KCNIP1: variants seen among roughly 807,000 people sequenced by gnomAD.
KCNIP1 encodes potassium voltage-gated channel interacting protein 1.
In KCNIP1, 18 loss-of-function variants were observed where a neutral mutation model predicts 33.0. The observed-to-expected ratio is 0.55, with a 90% confidence interval of 0.38 to 0.81. The LOEUF (loss-of-function observed/expected upper bound fraction) is 0.81. Ranked by LOEUF, KCNIP1 falls within the 30% of genes least tolerant of loss-of-function variation. The probability of loss-of-function intolerance (pLI) is 0.00; values close to 1 mark genes in which losing one functional copy is unlikely to be tolerated. For synonymous variants in KCNIP1, 93 were observed against 98.3 expected, an observed-to-expected ratio of 0.95 and a Z score of 0.32; for missense variants, 238 against 271.6, an observed-to-expected ratio of 0.88 and a Z score of 0.87.
chr5:170,380,059 T>G (rs1764179018), intron 1 of KCNIP1, among the ~76,000 whole-genome samples: 1 of 152,138 alleles, frequency 6.6e-6, no homozygotes, highest in South Asian at 2.1e-4. Flanking sequence ...TATTTGACAC[T>G]GGGATCCAAA....
At chr5:170,462,264 C>CAAAAAAAAAA (rs760686464) in intron 1 of KCNIP1, among the ~76,000 whole-genome samples, 9 of 52,024 alleles carry the variant, frequency 1.7e-4, no homozygotes, top group East Asian at 8.1e-4. Flanking sequence ...AACAAATTAG[C>CAAAAAAAAAA]AAAAAAAAAA....
rs183487823 is a variant in KCNIP1, at chr5:170,470,061, T to C, written c.88+116097T>C. 4.9e-3 allele frequency among the ~76,000 whole-genome samples: 740 copies of C among 152,226 alleles called. 7 individuals are homozygous for C. Among genetic ancestry groups the C allele is most frequent in the African/African-American group, 0.016 (683 of 41,538 alleles). The stretch of plus-strand genomic sequence containing the variant: ...TGGAATTGATATCCCTGTGTGAAAA[T>C]GGAAGAGCCAATCTGAGCTGTCGCC... On this transcript the variant is annotated intron_variant, in intron 1 of 7. Coordinates refer to the KCNIP1 transcript ENST00000377360.
At chr5:170,488,026 G>T (rs1375708182) in intron 1 of KCNIP1, among the ~76,000 whole-genome samples, 1 of 152,082 alleles carries the variant, frequency 6.6e-6, no homozygotes, top group East Asian at 1.9e-4. Flanking sequence ...GAAGCACCCT[G>T]TCCCACCTCA....
At chr5:170,695,878 G>A (rs1762873018) in intron 1 of KCNIP1, among the ~76,000 whole-genome samples, 1 of 152,136 alleles carries the variant, frequency 6.6e-6, no homozygotes. Flanking sequence ...AATTAGCCAG[G>A]TGTGGTGGCA....
chr5:170,604,556 G>A (rs1283069779), intron 1 of KCNIP1, among the ~76,000 whole-genome samples: 2 of 152,148 alleles, frequency 1.3e-5, no homozygotes, highest in African/African-American at 4.8e-5. Context: ...TGTGAATGGC[G>A]AGGCTTTGTA....
chr5:170,457,357 G>A (rs576376017), intron 1 of KCNIP1, among the ~76,000 whole-genome samples: 9 of 152,360 alleles, frequency 5.9e-5, no homozygotes, highest in African/African-American at 2.2e-4. Flanking sequence ...GTACGGAGAG[G>A]CCCTGGAGGG....
At chr5:170,569,911 C>T (rs759060158) in intron 1 of KCNIP1, among the ~76,000 whole-genome samples, 3 of 152,080 alleles carry the variant, frequency 2.0e-5, no homozygotes, top group Non-Finnish European at 2.9e-5. Flanking sequence ...TAGCATGGAG[C>T]GAGCCTAAAA....
intron 1 of KCNIP1, among the ~76,000 whole-genome samples, chr5:170,508,746 G>C (rs983907550): frequency 6.6e-6 from 1 of 152,120 alleles, no homozygotes; most frequent in East Asian, 1.9e-4. Flanking sequence ...AAATTCCACC[G>C]ACATTCCAAG....
chr5:170,659,875 T>G (rs1280799590), intron 1 of KCNIP1, among the ~76,000 whole-genome samples: 4 of 152,214 alleles, frequency 2.6e-5, no homozygotes, highest in Non-Finnish European at 5.9e-5. Flanking sequence ...ATCGTTCATC[T>G]CCTGATAAGT....
chr5:170,540,851 G>A, intron 1 of KCNIP1, among the ~76,000 whole-genome samples: 1 of 152,156 alleles, frequency 6.6e-6, no homozygotes, highest in East Asian at 1.9e-4. Flanking sequence ...CACTTCCCCT[G>A]GTAGAGAAGG....
chr5:170,695,170 G>A (rs574439162), intron 1 of KCNIP1, among the ~76,000 whole-genome samples: 97 of 152,136 alleles, frequency 6.4e-4, no homozygotes, highest in Non-Finnish European at 3.1e-4. Context: ...CCCATCCCCC[G>A]GCCACCCAAC....
Position 170,378,960 on chromosome 5 carries a change from G to A in KCNIP1, c.88+24996G>A, listed in dbSNP as rs370206070. ...CGTCTGGTAATTGTCCACGCTGCCT[G>A]GGATGTAGGAGCACTGTGGGGAGAA... is the stretch of plus-strand genomic sequence containing the variant. On this transcript the variant is annotated intron_variant, in intron 1 of 7. Coordinates refer to the KCNIP1 transcript ENST00000377360. 95 of 1,613,922 alleles carry A rather than the reference G, an allele frequency of 5.9e-5. No homozygotes were observed. In the Admixed American group the frequency reaches 9.0e-4, roughly 15 times the overall value.
chr5:170,362,440 C>T (rs534536785), intron 1 of KCNIP1, among the ~76,000 whole-genome samples: 2 of 152,330 alleles, frequency 1.3e-5, no homozygotes, highest in East Asian at 1.9e-4. Context: ...TCAGGACCTC[C>T]ATTCTGACTG....
intron 1 of KCNIP1, chr5:170,486,464 A>G (rs1028335974): frequency 6.6e-6 from 1 of 152,242 alleles, no homozygotes; most frequent in Admixed American, 6.5e-5. Context: ...CTCACATGTG[A>G]CCAATCACAT....
chr5:170,733,877 A>G lies in KCNIP1; in HGVS notation c.582A>G (p.Glu194=), dbSNP rs1561790216. ...AAGATGGCATCGTAACTTTAGATGA[A>G]TTTCTTGAATCATGTCAGGAGGTAA... The part of the protein sequence containing the change: ...KNKDGIVTLD[E]FLESCQEDDN... The change falls in exon 7 of 8, where the codon GAA becomes GAG. Residue 194 remains glutamate (E), a synonymous_variant. Transcript: ENST00000328939. 3 of 1,613,798 alleles carry G rather than the reference A, an allele frequency of 1.9e-6. No homozygotes were observed. Among genetic ancestry groups the G allele is most frequent in the East Asian group, 4.5e-5 (2 of 44,880 alleles).
At chr5:170,620,794 A>C (rs1759572126) in intron 1 of KCNIP1, among the ~76,000 whole-genome samples, 1 of 152,196 alleles carries the variant, frequency 6.6e-6, no homozygotes, top group Admixed American at 6.5e-5. Flanking sequence ...TAGGAGATGC[A>C]AATTCATTTG....
At chr5:170,649,909 G>A (rs1004424803) in intron 1 of KCNIP1, among the ~76,000 whole-genome samples, 25 of 152,220 alleles carry the variant, frequency 1.6e-4, no homozygotes, top group Middle Eastern at 3.4e-3. Flanking sequence ...AGAGAGGCTC[G>A]GTTGTTCTTC....
chr5:170,735,749 T>G lies in KCNIP1; in HGVS notation c.604-10T>G, dbSNP rs1489062680. The G allele has an allele frequency of 2.5e-6, 4 of 1,613,776 alleles. No individual in the cohort carries two copies. The East Asian group carries it at 8.9e-5, about 36-fold the overall frequency. ...AGAGTTCTAACCCTCTTGCCCTCCT[T>G]TTTTCCCAGGACGACAACATCATGA... On this transcript the variant is annotated splice_polypyrimidine_tract_variant and intron_variant, in intron 7 of 7. Coordinates refer to ENST00000328939, the MANE Select transcript of KCNIP1 (RefSeq NM_014592.4).
At chr5:170,368,407 G>C (rs756813645) in intron 1 of KCNIP1, among the ~76,000 whole-genome samples, 1 of 152,142 alleles carries the variant, frequency 6.6e-6, no homozygotes, top group Admixed American at 6.5e-5. Flanking sequence ...TGGGACTACA[G>C]GTGCCGGCCA....
Sources: allele counts gnomAD v4.1 joint callset (sites outside exome capture counted in the v4.1 genomes callset), GRCh38; gene constraint gnomAD v4.1.1; transcripts MANE v1.5; gene names NCBI Gene and HGNC (gene_info 2026-07-23, HGNC 2026-07-21).